TEP1: variants seen among roughly 807,000 people sequenced by gnomAD.
The protein encoded by TEP1 is telomerase protein component 1.
TEP1 carries 241 observed loss-of-function variants against 306.3 expected under a neutral mutation model. That is an observed-to-expected ratio of 0.79 (90% CI 0.71 to 0.88). TEP1 has a LOEUF of 0.88. TEP1 is among the 40% of genes least tolerant of loss of function. The pLI, the probability that TEP1 is intolerant of heterozygous loss-of-function variation, is 0.00. For synonymous variants in TEP1, 1,289 were observed against 1,305.5 expected (o/e 0.99, Z 0.27); for missense variants, 3,051 against 3,276.1 (o/e 0.93, Z 1.68).
rs1388490803 is a variant in TEP1, at chr14:20,384,489, C to T, written c.3241G>A (p.Gly1081Ser). The change falls in exon 23 of 55, where the codon GGT (glycine) becomes AGT (serine). Residue 1081 changes from glycine (G) to serine (S), a missense_variant. Physicochemically the swap from Gly to Ser is moderately conservative, Grantham distance 56 (BLOSUM62 0). Transcript: ENST00000262715. ...TCRRYPCEWG[G>S]VAAGRPYVGG... ...ACATAGGGCCGGCCAGCTGCCACAC[C>T]CCCCCACTCACAGGGGTATCTGTGG... The T allele has an allele frequency of 1.9e-6, 3 of 1,614,064 alleles. No homozygotes were observed. Among genetic ancestry groups the T allele is most frequent in the Non-Finnish European group, 8.5e-7 (1 of 1,180,018 alleles).
intron 51 of TEP1, among the ~76,000 whole-genome samples, chr14:20,370,833 A>G (rs946367553): frequency 6.6e-6 from 1 of 152,236 alleles, no homozygotes; most frequent in African/African-American, 2.4e-5. Flanking sequence ...TAGCTTTGGC[A>G]CACTCAATCC....
At chr14:20,398,117 C>A (rs1878353617) in intron 9 of TEP1, among the ~76,000 whole-genome samples, 1 of 151,758 alleles carries the variant, frequency 6.6e-6, no homozygotes, top group South Asian at 2.1e-4. Flanking sequence ...CAGTGGCTCA[C>A]GCCTGTAATC....
At chr14:20,390,150 A>G (rs1376755316) in intron 15 of TEP1, among the ~76,000 whole-genome samples, 1 of 152,180 alleles carries the variant, frequency 6.6e-6, no homozygotes, top group African/African-American at 2.4e-5. Flanking sequence ...GAATCACTTG[A>G]GCCCAGGAGT....
At position 20,373,546 on chromosome 14, in the gene TEP1, G is replaced by T; in HGVS notation, c.6642C>A (p.Val2214=). ...QPGSELLVVT[V]GLDGATRLWH... The stretch of plus-strand genomic sequence containing the variant: ...ATAACCGTGTGGCCCCATCTAGCCC[G>T]ACGGTTACCACCAGAAGCTCTGACC... Residue 2214 remains valine (V), a synonymous_variant, in exon 46 of 55, where the codon GTC becomes GTA. Transcript: ENST00000262715. The T allele has an allele frequency of 6.2e-7, 1 of 1,614,208 alleles. No individual in the cohort carries two copies. Among genetic ancestry groups the T allele is most frequent in the Non-Finnish European group, 8.5e-7 (1 of 1,180,026 alleles).
chr14:20,405,193 A>G (rs1879082543), intron 4 of TEP1, among the ~76,000 whole-genome samples: 1 of 152,232 alleles, frequency 6.6e-6, no homozygotes, highest in African/African-American at 2.4e-5. Flanking sequence ...TGATATTTGG[A>G]AAAGTATTTT....
Position 20,408,288 on chromosome 14 carries a change from C to CA in TEP1, c.151dup (p.Cys51LeufsTer7). The CA allele has an allele frequency of 6.2e-7, 1 of 1,613,674 alleles. No homozygotes were observed. The highest frequency in any genetic ancestry group is 8.5e-7 in the Non-Finnish European group (1 of 1,179,918). ...CTTCAGGTCAGGAAGCGTGGCTAGG[C>CA]ACTGGTTCTTCAAGGAGAGGATATC... On this transcript the variant is annotated frameshift_variant, in exon 2 of 55. Transcript: ENST00000262715. LOFTEE classifies it high-confidence loss of function.
chr14:20,401,443 G>A lies in TEP1; in HGVS notation c.1391+14C>T. The stretch of plus-strand genomic sequence containing the variant: ...TACTTAGATGGAATGCATGCTCAGG[G>A]TGCAGCTTCTCACCTGTAACCCAGC... On this transcript the variant is annotated intron_variant, in intron 8 of 54. Transcript: ENST00000262715. 1 of 1,613,570 alleles carries A rather than the reference G, an allele frequency of 6.2e-7. No individual in the cohort carries two copies. The highest frequency in any genetic ancestry group is 8.5e-7 in the Non-Finnish European group (1 of 1,179,838).
In TEP1 at chr14:20,369,707, G is replaced by T. The variant is rs1303357084; in HGVS notation, c.7390C>A (p.Leu2464Ile). The T allele has an allele frequency of 1.9e-6, 3 of 1,614,060 alleles. No individual in the cohort carries two copies. The highest frequency in any genetic ancestry group is 2.2e-5 in the East Asian group (1 of 44,866). Residue 2464 changes from leucine to isoleucine, a missense_variant, in exon 52 of 55, where the codon CTA (leucine) becomes ATA (isoleucine). By Grantham distance (5) the Leu-to-Ile change is conservative. Around this residue, in one of 3 missense-constraint regions of TEP1, gnomAD observed 1,540 missense variants for 1,705.9 expected, o/e 0.90. Coordinates refer to ENST00000262715, the MANE Select transcript of TEP1 (RefSeq NM_007110.5). ...GGTTTGGCTTGAGTTATCGATATTA[G>T]GGTCCTACTAGGATTCTCTAAGTTT... ...DINLENPSRT[L>I]ISITQAKPES...
chr14:20,395,801 G>A, intron 11 of TEP1, 58 bp downstream of exon 11: 7 of 1,564,158 alleles, frequency 4.5e-6, no homozygotes, highest in Non-Finnish European at 6.1e-6. Flanking sequence ...TGGTGCTGCT[G>A]CTTCATTTAT....
chr14:20,396,539 G>T, intron 10 of TEP1, 82 bp downstream of exon 10: 2 of 1,212,286 alleles, frequency 1.6e-6, no homozygotes, highest in Non-Finnish European at 2.3e-6. Context: ...CCCTGAAAAA[G>T]CCTGGCCTCT....
intron 17 of TEP1, among the ~76,000 whole-genome samples, chr14:20,389,007 G>T (rs1877464185): frequency 6.6e-6 from 1 of 152,076 alleles, no homozygotes; most frequent in African/African-American, 2.4e-5. Flanking sequence ...AATTAGCCGG[G>T]CATGGTGGTG....
chr14:20,377,137 C>T, intron 41 of TEP1, 143 bp downstream of exon 41: 4 of 658,936 alleles, frequency 6.1e-6, no homozygotes, highest in Middle Eastern at 4.3e-4. Context: ...ATTGCTTGAA[C>T]CCAGGAGGCA....
At chr14:20,383,048 TG>T in intron 27 of TEP1, 125 bp downstream of exon 27, 1 of 1,135,952 alleles carries the variant, frequency 8.8e-7, no homozygotes, top group Non-Finnish European at 1.2e-6. Flanking sequence ...CAACTTCCCA[TG>T]GACAGAATTT....
At chr14:20,404,809 C>T (rs368827794) in intron 4 of TEP1, 37 bp from the exon 5 acceptor site, 8 of 1,565,634 alleles carry the variant, frequency 5.1e-6, no homozygotes, top group Middle Eastern at 1.8e-4. Flanking sequence ...ATCTCAGTCA[C>T]TCCTCCCGTA....
rs751019207 is a variant in TEP1 at position 20,379,049 on chromosome 14, G to A, written c.5184C>T (p.Ser1728=). The change falls in exon 36 of 55, where the codon TCC becomes TCT. Residue 1728 remains serine (S), a synonymous_variant. Coordinates refer to ENST00000262715, the MANE Select transcript of TEP1 (RefSeq NM_007110.5). ...CDGISACLFL[S]DDTLFLTAFD... ...AGGCAGTAAGAAAGAGTGTATCATC[G>A]GAGAGGAACAAACAAGCAGAGATTC... 30 of 1,614,034 alleles carry A rather than the reference G, an allele frequency of 1.9e-5. No individual in the cohort carries two copies. Among genetic ancestry groups the A allele is most frequent in the East Asian group, 1.8e-4 (8 of 44,884 alleles).
At chr14:20,398,319 A>G (rs1230671551) in intron 9 of TEP1, among the ~76,000 whole-genome samples, 1 of 150,906 alleles carries the variant, frequency 6.6e-6, no homozygotes, top group Non-Finnish European at 1.5e-5. Context: ...CGGAGGTTGA[A>G]GTGAGCCGAG....
In TEP1 at chr14:20,391,814, C is replaced by A. The variant is rs755532321; in HGVS notation, c.1929-47G>T. The A allele has an allele frequency of 1.6e-5, 25 of 1,598,578 alleles. No individual in the cohort carries two copies. In the East Asian group the frequency reaches 5.2e-4, roughly 33 times the overall value. The stretch of plus-strand genomic sequence containing the variant: ...ACACAGGGGCTCAGGGACTTATCTG[C>A]CCCTTAGAGGCAGACGGGGAGATGA... On this transcript the variant is annotated intron_variant, in intron 12 of 54. Coordinates refer to ENST00000262715, the MANE Select transcript of TEP1 (RefSeq NM_007110.5).
chr14:20,395,740 G>GC, intron 11 of TEP1, 113 bp from the exon 12 acceptor site: 3 of 1,495,126 alleles, frequency 2.0e-6, no homozygotes, highest in South Asian at 1.2e-5. Context: ...CCTGACCTCT[G>GC]CCCCCCACCC....
intron 3 of TEP1, among the ~76,000 whole-genome samples, chr14:20,405,834 C>A (rs918091930): frequency 6.6e-6 from 1 of 151,880 alleles, no homozygotes; most frequent in African/African-American, 2.4e-5. Flanking sequence ...GCCAACATGG[C>A]GAAATCCCAT....
Sources: gnomAD v4.1 joint callset for allele counts (sites outside exome capture counted in the v4.1 genomes callset) on GRCh38, gnomAD v4.1.1 for gene constraint, gnomAD v4.1.1 regional missense constraint, MANE v1.5 for transcripts, NCBI Gene and HGNC (gene_info 2026-07-23, HGNC 2026-07-21) for gene names.